Variants in TRIM33 observed in about 807,000 individuals in gnomAD.
The protein encoded by TRIM33 is tripartite motif containing 33, also known as E3 ubiquitin-protein ligase TRIM33.
TRIM33 carries 20 observed loss-of-function variants against 125.4 expected under a neutral mutation model. That is an observed-to-expected ratio of 0.16 (90% CI 0.11 to 0.23). The LOEUF (loss-of-function observed/expected upper bound fraction) is 0.23. Among genes scored for constraint, TRIM33 ranks in the 10% least tolerant of loss-of-function variants. TRIM33 has a pLI of 1.00. For synonymous variants in TRIM33, 564 were observed against 513.9 expected (o/e 1.10, Z -1.32); for missense variants, 920 against 1,411.4 (o/e 0.65, Z 5.58).
intron 4 of TRIM33, among the ~76,000 whole-genome samples, chr1:114,445,239 GTT>G (rs1411532915): frequency 6.6e-6 from 1 of 152,078 alleles, no homozygotes; most frequent in Non-Finnish European, 1.5e-5. Context: ...GACTTGGGGT[GTT>G]TTTTGTTTTT....
chr1:114,448,948 A>G (rs1460224868), intron 4 of TRIM33, among the ~76,000 whole-genome samples: 1 of 152,164 alleles, frequency 6.6e-6, no homozygotes, highest in Non-Finnish European at 1.5e-5. Context: ...GAACACAAAG[A>G]CTAGAGTGTC....
At chr1:114,415,012 T>TTTTTTTTTTTA (rs1652845937) in intron 11 of TRIM33, among the ~76,000 whole-genome samples, 1 of 142,930 alleles carries the variant, frequency 7.0e-6, no homozygotes, top group Non-Finnish European at 1.5e-5. Flanking sequence ...TTTTTTTTTT[T>TTTTTTTTTTTA]GAGACAGGGT....
chr1:114,413,311 C>CACT (rs1160585217), intron 11 of TRIM33, among the ~76,000 whole-genome samples: 1 of 152,062 alleles, frequency 6.6e-6, no homozygotes, highest in African/African-American at 2.4e-5. Context: ...GTAATCCCAG[C>CACT]ACTTTAGGAG....
At chr1:114,408,586 TA>T in intron 13 of TRIM33, 90 bp downstream of exon 13, 1 of 795,708 alleles carries the variant, frequency 1.3e-6, no homozygotes. Flanking sequence ...GTGTTAAGTA[TA>T]AAGGGGTTCA....
At chr1:114,474,736 A>G (rs1650870395) in intron 1 of TRIM33, among the ~76,000 whole-genome samples, 3 of 151,910 alleles carry the variant, frequency 2.0e-5, no homozygotes. Context: ...TACTAAAAAT[A>G]TAAGAATTAG....
At chr1:114,413,969 G>C (rs528698753) in intron 11 of TRIM33, among the ~76,000 whole-genome samples, 1 of 150,250 alleles carries the variant, frequency 6.7e-6, no homozygotes, top group Non-Finnish European at 1.5e-5. Context: ...CTCCAGCCTC[G>C]GCAAAAGAGT....
At chr1:114,417,613 A>G (rs1653018492) in intron 11 of TRIM33, among the ~76,000 whole-genome samples, 1 of 152,106 alleles carries the variant, frequency 6.6e-6, no homozygotes, top group Non-Finnish European at 1.5e-5. Flanking sequence ...TGGATTTATA[A>G]TTAGTAGTCT....
At chr1:114,445,702 A>G (rs999360019) in intron 4 of TRIM33, among the ~76,000 whole-genome samples, 1 of 152,226 alleles carries the variant, frequency 6.6e-6, no homozygotes, top group Non-Finnish European at 1.5e-5. Flanking sequence ...GCAGCCAGAG[A>G]AAAGCCATAA....
At chr1:114,399,795 A>C (rs940681051) in intron 17 of TRIM33, among the ~76,000 whole-genome samples, 186 bp from the exon 18 acceptor site, 1 of 152,170 alleles carries the variant, frequency 6.6e-6, no homozygotes, top group Non-Finnish European at 1.5e-5. Context: ...CATATGTGCC[A>C]ATCTTCATGG....
chr1:114,427,523 T>C (rs1370422710), intron 7 of TRIM33, among the ~76,000 whole-genome samples: 1 of 152,208 alleles, frequency 6.6e-6, no homozygotes, highest in Non-Finnish European at 1.5e-5. Flanking sequence ...GAGTACATAC[T>C]ATATAATTCC....
intron 10 of TRIM33, among the ~76,000 whole-genome samples, chr1:114,422,596 A>G (rs939108779): frequency 4.6e-5 from 7 of 151,784 alleles, no homozygotes; most frequent in African/African-American, 1.7e-4. Context: ...ACAAAAGAAC[A>G]CTACACCTTT....
chr1:114,503,288 C>T (rs1570683916), intron 1 of TRIM33, among the ~76,000 whole-genome samples: 1 of 152,082 alleles, frequency 6.6e-6, no homozygotes, highest in African/African-American at 2.4e-5. Flanking sequence ...CAAGACCAGC[C>T]TGGCCAACAT....
intron 14 of TRIM33, among the ~76,000 whole-genome samples, chr1:114,406,527 T>A (rs539004659): frequency 1.3e-3 from 194 of 152,294 alleles, no homozygotes; most frequent in Non-Finnish European, 6.5e-4. Context: ...AAACTTCCTA[T>A]CACAAAACTC....
chr1:114,406,952 T>C lies in TRIM33; in HGVS notation c.2407A>G (p.Ser803Gly). ...KQEKTEDGRR[S>G]ACMLSSPESS... The stretch of plus-strand genomic sequence containing the variant: ...CAGTGGGAGCTTACCATGCAAGCAC[T>C]CCTCCTGCCATCCTCTGTTTTTTCT... Residue 803 changes from serine (S) to glycine (G), a missense_variant, in exon 14 of 20, where the codon AGT becomes GGT. This residue lies in a region of TRIM33 where 407 missense variants were observed against 589.7 expected (regional missense o/e 0.69). Coordinates refer to ENST00000358465, the MANE Select transcript of TRIM33 (RefSeq NM_015906.4). 1 of 1,613,604 alleles carries C rather than the reference T, an allele frequency of 6.2e-7. No homozygotes were observed. Among genetic ancestry groups the C allele is most frequent in the Non-Finnish European group, 8.5e-7 (1 of 1,179,708 alleles).
chr1:114,479,577 GA>G (rs1232641359), intron 1 of TRIM33, among the ~76,000 whole-genome samples: 13 of 152,170 alleles, frequency 8.5e-5, no homozygotes, highest in Non-Finnish European at 1.6e-4. Context: ...AAATTTGAGA[GA>G]AAGTCACACT....
intron 1 of TRIM33, among the ~76,000 whole-genome samples, chr1:114,480,844 A>T (rs1489695919): frequency 6.6e-6 from 1 of 152,192 alleles, no homozygotes; most frequent in Non-Finnish European, 1.5e-5. Context: ...AGAAGATAAA[A>T]TCATGAATAA....
intron 1 of TRIM33, among the ~76,000 whole-genome samples, chr1:114,489,173 A>G (rs1651896666): frequency 6.6e-6 from 1 of 152,246 alleles, no homozygotes; most frequent in Non-Finnish European, 1.5e-5. Flanking sequence ...TGCTAAGACA[A>G]TTAAATGGAG....
chr1:114,415,315 AAC>A (rs1652867180), intron 11 of TRIM33, among the ~76,000 whole-genome samples: 1 of 152,150 alleles, frequency 6.6e-6, no homozygotes, highest in Non-Finnish European at 1.5e-5. Flanking sequence ...CTTAAAATAA[AAC>A]AGTGACAAAG....
chr1:114,490,917 T>C (rs1336625008), intron 1 of TRIM33: 1 of 152,136 alleles, frequency 6.6e-6, no homozygotes, highest in Admixed American at 6.6e-5. Flanking sequence ...AGACCACACA[T>C]CGTATATTTC....
Sources: allele counts gnomAD v4.1 joint callset (sites outside exome capture counted in the v4.1 genomes callset), GRCh38; gene constraint gnomAD v4.1.1; regional missense constraint gnomAD v4.1.1; transcripts MANE v1.5; gene names NCBI Gene and HGNC (gene_info 2026-07-23, HGNC 2026-07-21).